The following RTN4 variants were observed in gnomAD, a reference collection of about 807,000 sequenced individuals.
The protein encoded by RTN4 is reticulon 4.
Under a neutral mutation model 90.4 loss-of-function variants are expected in RTN4, and 32 were observed. The ratio of observed to expected loss-of-function variants is 0.35; its 90% CI spans 0.27 to 0.48. The LOEUF (loss-of-function observed/expected upper bound fraction) is 0.48, where lower values mean the gene tolerates loss of function less well. Ranked by LOEUF, RTN4 falls within the 20% of genes least tolerant of loss-of-function variation. RTN4 has a pLI of 0.99. For synonymous variants in RTN4, 629 were observed against 552.5 expected, an observed-to-expected ratio of 1.14 and a Z score of -1.94; for missense variants, 1,706 against 1,430.2, an observed-to-expected ratio of 1.19 and a Z score of -3.11.
In RTN4 at chr2:55,072,413, T is replaced by C. The variant is rs1668532348; in HGVS notation, c.-63+8076A>G. On this transcript the variant is annotated intron_variant, in intron 2 of 3. Transcript: ENST00000427710. ...CCCAGCTGATTTTTTGTATTTTTAGTAGAGATGGGGTTTCACTGCGTTAGC... is the reference window on the plus strand; with the variant it reads ...CCCAGCTGATTTTTTGTATTTTTAGCAGAGATGGGGTTTCACTGCGTTAGC... Among the ~76,000 whole-genome samples the C allele has an allele frequency of 2.6e-5, 4 of 152,022 alleles. No homozygotes were observed. The South Asian group carries it at 8.3e-4, about 31-fold the overall frequency.
intron 1 of RTN4, among the ~76,000 whole-genome samples, chr2:55,088,634 G>T (rs1196007525): frequency 6.6e-6 from 1 of 152,156 alleles, no homozygotes; most frequent in Non-Finnish European, 1.5e-5. Flanking sequence ...TCTGCCACTT[G>T]GCACATACAT....
At position 55,050,229 on chromosome 2, in the gene RTN4, C is replaced by G. The variant is rs1415825524; in HGVS notation, c.72G>C (p.Lys24Asn). The change falls in exon 1 of 9, where the codon AAG (lysine) becomes AAC (asparagine). Residue 24 changes from lysine to asparagine, a missense_variant. By Grantham distance (94) the Lys-to-Asn change is moderately conservative. Coordinates refer to ENST00000337526, the MANE Select transcript of RTN4 (RefSeq NM_020532.5). This position sits in a 1 kb window ranked among gnomAD's most constrained non-coding sequence, Gnocchi z 4.6. ...CCTCGGGCTCCCTCACGAACTGGTA[C>G]TTGAACGCGGGCTGCGGCCGGGGTG... Reference protein sequence around the residue: ...DSPPRPQPAFKYQFVREPEDE... With the variant: ...DSPPRPQPAFNYQFVREPEDE... 2 of 1,557,924 alleles carry G rather than the reference C, an allele frequency of 1.3e-6. No individual in the cohort carries two copies. The highest frequency in any genetic ancestry group is 1.9e-5 in the Admixed American group (1 of 53,922).
In RTN4 at chr2:55,049,971, C is replaced by T. The variant is rs766887733; in HGVS notation, c.330G>A (p.Pro110=). The T allele has an allele frequency of 2.9e-6, 4 of 1,369,236 alleles. No individual in the cohort carries two copies. Among genetic ancestry groups the T allele is most frequent in the African/African-American group, 1.5e-5 (1 of 65,336 alleles). 84.8% of individuals were successfully genotyped at this position (1,369,236 alleles called of 1,614,324 possible). A position where few individuals can be genotyped will look rare whatever the true frequency, so the allele number is the denominator to read the frequency against. Residue 110 remains proline, a synonymous_variant, in exon 1 of 9, where the codon CCG becomes CCA. Coordinates refer to ENST00000337526, the MANE Select transcript of RTN4 (RefSeq NM_020532.5). Reference sequence around the variant, plus strand: ...CGGGCACGGTCGACGACACCGGGCTCGGGTCCCAAGACGGCTGCCGCTCCG... The same window carrying T: ...CGGGCACGGTCGACGACACCGGGCTTGGGTCCCAAGACGGCTGCCGCTCCG... ...VAPERQPSWD[P]SPVSSTVPAP...
intron 3 of RTN4, among the ~76,000 whole-genome samples, chr2:54,990,812 G>A (rs1029624523): frequency 2.0e-5 from 3 of 151,774 alleles, no homozygotes; most frequent in Non-Finnish European, 4.4e-5. Context: ...TTGAGACAGA[G>A]TCTCGCACTG....
chr2:55,054,803 G>C (rs1210252542), upstream of RTN4, among the ~76,000 whole-genome samples: 1 of 152,116 alleles, frequency 6.6e-6, no homozygotes, highest in Non-Finnish European at 1.5e-5. Flanking sequence ...ATATCATTTT[G>C]GCACCCTTAA....
chr2:55,042,986 G>T (rs535833183), intron 1 of RTN4, among the ~76,000 whole-genome samples: 2 of 152,262 alleles, frequency 1.3e-5, no homozygotes, highest in African/African-American at 4.8e-5. Context: ...AAAAATCAAT[G>T]ATCATCATTC....
At chr2:54,988,031 TG>T (rs1188394712) in intron 3 of RTN4, among the ~76,000 whole-genome samples, 3 of 152,188 alleles carry the variant, frequency 2.0e-5, no homozygotes, top group Non-Finnish European at 4.4e-5. Flanking sequence ...AAAATAATCT[TG>T]GGGGCTGGGT....
chr2:54,986,976 G>T (rs1016993581), intron 4 of RTN4, among the ~76,000 whole-genome samples: 8 of 152,112 alleles, frequency 5.3e-5, no homozygotes, highest in African/African-American at 1.9e-4. Context: ...AAGGGTAGAA[G>T]ATGATAGTTG....
At chr2:54,983,836 C>T (rs1327197201) in intron 4 of RTN4, among the ~76,000 whole-genome samples, 1 of 152,174 alleles carries the variant, frequency 6.6e-6, no homozygotes, top group Admixed American at 6.5e-5. Context: ...TTGCAAAAGG[C>T]ATTTAACTTC....
At chr2:55,066,766 C>T (rs1668401919) in intron 2 of RTN4, among the ~76,000 whole-genome samples, 1 of 151,674 alleles carries the variant, frequency 6.6e-6, no homozygotes, top group Non-Finnish European at 1.5e-5. Flanking sequence ...ATCTTTTCTG[C>T]GTTTGTAAAA....
chr2:55,017,152 T>C (rs545340001), intron 3 of RTN4, among the ~76,000 whole-genome samples: 1 of 152,280 alleles, frequency 6.6e-6, no homozygotes, highest in South Asian at 2.1e-4. Context: ...CTACTTATCA[T>C]AATAAAGTCC....
At chr2:55,131,124 C>CTAGA in the RTN4 span, among the ~76,000 whole-genome samples, 1 of 152,128 alleles carries the variant, frequency 6.6e-6, no homozygotes, top group East Asian at 1.9e-4. Context: ...TTCACCCAGG[C>CTAGA]TAGAGTGCAG....
intron 1 of RTN4, among the ~76,000 whole-genome samples, chr2:55,102,329 G>A (rs1279214403): frequency 2.0e-5 from 3 of 152,082 alleles, no homozygotes; most frequent in Admixed American, 6.5e-5. Context: ...TTTCTGTGAA[G>A]GGCCAGATAG....
chr2:55,049,153 T>C (rs908238834), intron 1 of RTN4: 1 of 986,240 alleles, frequency 1.0e-6, no homozygotes, highest in East Asian at 1.1e-4. Context: ...GTTGGGTCAA[T>C]GTGGACGTTT....
At chr2:55,058,174 T>G (rs1049098277) in intron 2 of RTN4, among the ~76,000 whole-genome samples, 2 of 152,210 alleles carry the variant, frequency 1.3e-5, no homozygotes, top group South Asian at 2.1e-4. Context: ...GGAATATTTT[T>G]AAATTTACAT....
chr2:54,981,246 G>A (rs1313032753), intron 5 of RTN4, among the ~76,000 whole-genome samples: 2 of 150,858 alleles, frequency 1.3e-5, no homozygotes, highest in African/African-American at 2.4e-5. Context: ...TGAAAATAAC[G>A]TATCAACTAC....
At chr2:55,037,137 G>T (rs923239938) in intron 1 of RTN4, among the ~76,000 whole-genome samples, 1 of 152,140 alleles carries the variant, frequency 6.6e-6, no homozygotes, top group Non-Finnish European at 1.5e-5. Flanking sequence ...ATCACTCACT[G>T]TAACAAAAAA....
chr2:55,132,156 G>A, the RTN4 span, among the ~76,000 whole-genome samples: 1 of 152,138 alleles, frequency 6.6e-6, no homozygotes, highest in Non-Finnish European at 1.5e-5. Context: ...GCTGAAGCTG[G>A]GTGATGGGAA....
At chr2:55,049,606 CG>C (rs1172932760) in intron 1 of RTN4, 138 bp downstream of exon 1, 2 of 1,397,856 alleles carry the variant, frequency 1.4e-6, no homozygotes, top group Non-Finnish European at 2.0e-6. Context: ...TCCAACCAGA[CG>C]GGGCGCCATC....
Sources: allele counts gnomAD v4.1 joint callset (sites outside exome capture counted in the v4.1 genomes callset), GRCh38; gene constraint gnomAD v4.1.1; non-coding constraint Gnocchi (gnomAD v3.1); transcripts MANE v1.5; gene names NCBI Gene and HGNC (gene_info 2026-07-23, HGNC 2026-07-21).